PIP5K1C: variants seen among roughly 807,000 people sequenced by gnomAD.
The protein encoded by PIP5K1C is phosphatidylinositol-4-phosphate 5-kinase type 1 gamma.
A neutral mutation model predicts 80.1 loss-of-function variants in PIP5K1C; 45 were observed. The observed-to-expected ratio is 0.56, with a 90% CI of 0.44 to 0.72. The LOEUF (loss-of-function observed/expected upper bound fraction) is 0.72, where lower values mean the gene tolerates loss of function less well. PIP5K1C is among the 30% of genes least tolerant of loss of function. The probability of loss-of-function intolerance (pLI) is 0.00; values close to 1 mark genes in which losing one functional copy is unlikely to be tolerated. For missense variants in PIP5K1C, 753 were observed against 954.6 expected (o/e 0.79, Z 2.78); for synonymous variants, 498 against 420.1 (o/e 1.19, Z -2.27).
intron 1 of PIP5K1C, among the ~76,000 whole-genome samples, chr19:3,691,100 A>G (rs1278408358): frequency 1.3e-5 from 2 of 152,198 alleles, no homozygotes; most frequent in Admixed American, 1.3e-4. Flanking sequence ...ACGCAGTTCC[A>G]AGAAAACAAA....
At chr19:3,694,881 T>C (rs2036053985) in intron 1 of PIP5K1C, among the ~76,000 whole-genome samples, 1 of 152,206 alleles carries the variant, frequency 6.6e-6, no homozygotes, top group South Asian at 2.1e-4. Context: ...AGCCCGGCTC[T>C]GGGCTGGGCA....
intron 1 of PIP5K1C, among the ~76,000 whole-genome samples, chr19:3,691,413 T>TGACGTGCA (rs1173032157): frequency 6.6e-6 from 1 of 152,152 alleles, no homozygotes; most frequent in African/African-American, 2.4e-5. Context: ...GAGCACACTG[T>TGACGTGCA]GACGTGCAGA....
intron 16 of PIP5K1C, 45 bp from the exon 17 acceptor site, chr19:3,633,565 G>A: frequency 1.5e-6 from 2 of 1,325,102 alleles, no homozygotes; most frequent in South Asian, 3.7e-5. Context: ...AGAGCAGGGT[G>A]CGAGGAGGTG....
chr19:3,661,639 G>C (rs2034835361), intron 4 of PIP5K1C, among the ~76,000 whole-genome samples: 1 of 152,254 alleles, frequency 6.6e-6, no homozygotes, highest in African/African-American at 2.4e-5. Flanking sequence ...GATTAGAAAA[G>C]AGCTAACTTC....
At chr19:3,665,061 TGCA>T in intron 2 of PIP5K1C, 147 bp from the exon 3 acceptor site, 1 of 729,360 alleles carries the variant, frequency 1.4e-6, no homozygotes, top group South Asian at 1.5e-5. Flanking sequence ...GACTCCGGGG[TGCA>T]GCAGGAGGCC....
At chr19:3,694,198 C>T (rs1176974053) in intron 1 of PIP5K1C, among the ~76,000 whole-genome samples, 2 of 141,756 alleles carry the variant, frequency 1.4e-5, no homozygotes, top group South Asian at 2.2e-4. Context: ...GGCGAGACAG[C>T]GAGACTCCAT....
intron 1 of PIP5K1C, among the ~76,000 whole-genome samples, chr19:3,687,820 C>A (rs572985034): frequency 6.6e-6 from 1 of 152,344 alleles, no homozygotes; most frequent in South Asian, 2.1e-4. Flanking sequence ...AGAGTGATCG[C>A]TTTCCCCGCA....
chr19:3,676,555 C>T (rs1457779181), intron 1 of PIP5K1C, among the ~76,000 whole-genome samples: 3 of 152,230 alleles, frequency 2.0e-5, no homozygotes, highest in African/African-American at 7.2e-5. Context: ...CCCCCACGGC[C>T]CACTCCCCGA....
At chr19:3,686,722 A>T (rs1033152874) in intron 1 of PIP5K1C, among the ~76,000 whole-genome samples, 3 of 150,944 alleles carry the variant, frequency 2.0e-5, no homozygotes, top group African/African-American at 4.9e-5. Flanking sequence ...CCGTCTCAAA[A>T]TAAATAAATA....
chr19:3,644,563 G>A (rs1353263456), intron 11 of PIP5K1C, among the ~76,000 whole-genome samples: 1 of 152,220 alleles, frequency 6.6e-6, no homozygotes, highest in Non-Finnish European at 1.5e-5. Flanking sequence ...AGGGATGCCT[G>A]CAGGCTTCAA....
chr19:3,650,313 C>T (rs1264694390), intron 8 of PIP5K1C, among the ~76,000 whole-genome samples: 3 of 152,352 alleles, frequency 2.0e-5, no homozygotes, highest in East Asian at 3.9e-4. Flanking sequence ...AGGGGAAGCC[C>T]ACCTCCCTCC....
At position 3,644,588 on chromosome 19, in the gene PIP5K1C, G is replaced by A. The variant is rs545249213; in HGVS notation, c.1346-337C>T. 4.0e-3 allele frequency among the ~76,000 whole-genome samples: 614 copies of A among 152,284 alleles called. 1 individual carries two copies. The highest frequency in any genetic ancestry group is 6.8e-3 in the Non-Finnish European group (460 of 67,998). Reference sequence around the variant, plus strand: ...GCAGGCTTCAACCCCTTCTATGTGCGGCCCAGCCCGGGCAGGGCCCCCACT... The same window carrying A: ...GCAGGCTTCAACCCCTTCTATGTGCAGCCCAGCCCGGGCAGGGCCCCCACT... On this transcript the variant is annotated intron_variant, in intron 11 of 17. Transcript: ENST00000335312.
Position 3,693,496 on chromosome 19 carries a change from G to A in PIP5K1C, c.94+6801C>T, listed in dbSNP as rs2036005000. On this transcript the variant is annotated intron_variant, in intron 1 of 17. Coordinates refer to ENST00000335312, the MANE Select transcript of PIP5K1C (RefSeq NM_012398.3). ...GCACCACCACGGGCCCCGTCCAGCT[G>A]GCGCCTGCTGGCAAATCCTTGCAGG... is the stretch of plus-strand genomic sequence containing the variant. 1.3e-5 allele frequency among the ~76,000 whole-genome samples: 2 copies of A among 152,202 alleles called. 1 individual carries two copies. The highest frequency in any genetic ancestry group is 1.3e-4 in the Admixed American group (2 of 15,282).
chr19:3,641,895 A>T (rs1599933234), intron 14 of PIP5K1C, 86 bp from the exon 15 acceptor site: 2 of 1,068,594 alleles, frequency 1.9e-6, no homozygotes, highest in East Asian at 5.1e-5. Context: ...CTCCAGGGCC[A>T]GTCCCAGAGG....
intron 5 of PIP5K1C, among the ~76,000 whole-genome samples, chr19:3,658,243 C>T (rs1349752689): frequency 6.6e-6 from 1 of 152,232 alleles, no homozygotes; most frequent in Admixed American, 6.5e-5. Flanking sequence ...ACAGCCCTGC[C>T]AACCTTGGCA....
rs1455373247 is a variant in PIP5K1C at position 3,653,515 on chromosome 19, G to A, written c.696C>T (p.Asn232=). The A allele has an allele frequency of 6.2e-7, 1 of 1,613,878 alleles. No homozygotes were observed. ...TGTTGTTCATGACCACGACGCGGAT[G>A]TTCTTGCCCCCCGACTGCACGCAGT... ...GLYCVQSGGK[N]IRVVVMNNIL... Residue 232 remains asparagine, a synonymous_variant, in exon 7 of 18, where the codon AAC becomes AAT. Coordinates refer to ENST00000335312, the MANE Select transcript of PIP5K1C (RefSeq NM_012398.3).
intron 7 of PIP5K1C, 101 bp from the exon 8 acceptor site, chr19:3,652,132 G>T: frequency 9.1e-7 from 1 of 1,096,398 alleles, no homozygotes; most frequent in African/African-American, 1.6e-5. Context: ...GGCCCCGTGG[G>T]CTCGGGTGTG....
chr19:3,669,149 G>T (rs2035117868), intron 1 of PIP5K1C, among the ~76,000 whole-genome samples: 1 of 152,204 alleles, frequency 6.6e-6, no homozygotes, highest in Non-Finnish European at 1.5e-5. Context: ...GCTGGCTGAG[G>T]TCTGGCAGCT....
At position 3,637,919 on chromosome 19, in the gene PIP5K1C, C is replaced by T. The variant is rs1037337558; in HGVS notation, c.1920+965G>A. ...AAACCAGTCCCAGGAAAAGGGGTGA[C>T]GACGTGCGGTGGGTAGGGGCACAGG... On this transcript the variant is annotated intron_variant, in intron 16 of 17. Coordinates refer to ENST00000335312, the MANE Select transcript of PIP5K1C (RefSeq NM_012398.3). This position sits in a 1 kb window ranked among gnomAD's most constrained non-coding sequence, Gnocchi z 7.0. 1.8e-5 allele frequency: 28 copies of T among 1,535,144 alleles called. No individual in the cohort carries two copies. Among genetic ancestry groups the T allele is most frequent in the African/African-American group, 1.8e-4 (13 of 73,026 alleles).
Sources: gnomAD v4.1 joint callset for allele counts (sites outside exome capture counted in the v4.1 genomes callset) on GRCh38, gnomAD v4.1.1 for gene constraint, Gnocchi (gnomAD v3.1) non-coding constraint, MANE v1.5 for transcripts, NCBI Gene and HGNC (gene_info 2026-07-23, HGNC 2026-07-21) for gene names.